SNCAIP: variants seen among roughly 807,000 people sequenced by gnomAD.
The protein encoded by SNCAIP is synphilin-1.
In SNCAIP, 43 loss-of-function variants were observed where a neutral mutation model predicts 86.7. The ratio of observed to expected loss-of-function variants is 0.50; its 90% CI spans 0.39 to 0.64. The LOEUF (loss-of-function observed/expected upper bound fraction) is 0.64, where lower values mean the gene tolerates loss of function less well. SNCAIP is among the 30% of genes least tolerant of loss of function. The pLI is 0.00. For synonymous variants in SNCAIP, 417 were observed against 427.2 expected, an observed-to-expected ratio of 0.98 and a Z score of 0.29; for missense variants, 981 against 1,103.1, an observed-to-expected ratio of 0.89 and a Z score of 1.57.
chr5:122,353,874 A>T (rs1053913465), intron 1 of SNCAIP, among the ~76,000 whole-genome samples: 6 of 152,172 alleles, frequency 3.9e-5, no homozygotes, highest in African/African-American at 1.4e-4. Context: ...CAAGATGAGA[A>T]TGGGGTAGGG....
intron 9 of SNCAIP, 146 bp downstream of exon 9, chr5:122,450,083 G>A: frequency 4.5e-6 from 3 of 662,098 alleles, no homozygotes; most frequent in Admixed American, 5.1e-5. Flanking sequence ...AAATCACAGT[G>A]AAAAAGGCAC....
intron 2 of SNCAIP, among the ~76,000 whole-genome samples, chr5:122,397,222 G>A (rs150139183): frequency 1.1e-3 from 170 of 152,148 alleles, no homozygotes; most frequent in African/African-American, 3.3e-3. Flanking sequence ...TAACCACTGC[G>A]TTGAAAATTA....
At chr5:122,353,729 T>C (rs1760403024) in intron 1 of SNCAIP, among the ~76,000 whole-genome samples, 1 of 152,210 alleles carries the variant, frequency 6.6e-6, no homozygotes, top group African/African-American at 2.4e-5. Flanking sequence ...CTCCTTGCCT[T>C]CTGCCATAAT....
At chr5:122,442,112 C>CTTTTTTT (rs10688988) in intron 7 of SNCAIP, among the ~76,000 whole-genome samples, 10 of 65,726 alleles carry the variant, frequency 1.5e-4, no homozygotes, top group East Asian at 4.6e-4. Context: ...AAGCAGTACT[C>CTTTTTTT]TTTTTTTTTT....
intron 10 of SNCAIP, among the ~76,000 whole-genome samples, chr5:122,460,881 C>T (rs1032025502): frequency 1.3e-5 from 2 of 152,206 alleles, no homozygotes; most frequent in African/African-American, 4.8e-5. Flanking sequence ...CCCATCTTCA[C>T]TGCTGCCTCC....
At chr5:122,399,866 C>T (rs568818427) in intron 2 of SNCAIP, among the ~76,000 whole-genome samples, 8 of 152,170 alleles carry the variant, frequency 5.3e-5, no homozygotes, top group Non-Finnish European at 1.0e-4. Flanking sequence ...AAAAACAGAT[C>T]GCTGGGCCCC....
At chr5:122,352,632 C>T (rs1760102730) in intron 1 of SNCAIP, among the ~76,000 whole-genome samples, 1 of 152,208 alleles carries the variant, frequency 6.6e-6, no homozygotes, top group Admixed American at 6.5e-5. Flanking sequence ...AAATGAGTTA[C>T]AGGCTACTTG....
At chr5:122,415,209 G>GTT (rs1775057764) in intron 3 of SNCAIP, among the ~76,000 whole-genome samples, 1 of 152,204 alleles carries the variant, frequency 6.6e-6, no homozygotes, top group Non-Finnish European at 1.5e-5. Flanking sequence ...GCACCTGCCT[G>GTT]TTCTCTCTCT....
chr5:122,405,920 T>C (rs942855222), intron 3 of SNCAIP, among the ~76,000 whole-genome samples: 4 of 152,166 alleles, frequency 2.6e-5, no homozygotes, highest in Non-Finnish European at 4.4e-5. Context: ...TTAGAAGCTT[T>C]TGAACTTTAC....
At chr5:122,339,579 A>G (rs1757155904) in intron 1 of SNCAIP, among the ~76,000 whole-genome samples, 1 of 152,174 alleles carries the variant, frequency 6.6e-6, no homozygotes, top group African/African-American at 2.4e-5. Flanking sequence ...ATTGGACACC[A>G]CCTTCCTTAT....
intron 3 of SNCAIP, among the ~76,000 whole-genome samples, chr5:122,404,993 G>A (rs73287523): frequency 0.027 from 4,151 of 152,206 alleles, 179 homozygotes; most frequent in African/African-American, 0.095. Context: ...ACCTTCACTT[G>A]TTTTTTATTT....
At chr5:122,395,252 C>A (rs1402257504) in intron 2 of SNCAIP, among the ~76,000 whole-genome samples, 1 of 152,160 alleles carries the variant, frequency 6.6e-6, no homozygotes, top group Non-Finnish European at 1.5e-5. Flanking sequence ...TATACACATA[C>A]ACTCACACAT....
chr5:122,433,863 C>T (rs888839710), intron 6 of SNCAIP, among the ~76,000 whole-genome samples: 2 of 152,126 alleles, frequency 1.3e-5, no homozygotes, highest in African/African-American at 2.4e-5. Flanking sequence ...GTTTGAATTT[C>T]GATCATTTCC....
intron 1 of SNCAIP, among the ~76,000 whole-genome samples, chr5:122,334,649 C>A (rs1026377269): frequency 6.6e-5 from 10 of 152,140 alleles, no homozygotes; most frequent in African/African-American, 1.9e-4. Context: ...AGCATTTTAA[C>A]AGCAAAGCCT....
chr5:122,416,584 C>T (rs1425607495), intron 3 of SNCAIP, among the ~76,000 whole-genome samples: 1 of 152,180 alleles, frequency 6.6e-6, no homozygotes, highest in Non-Finnish European at 1.5e-5. Context: ...AGGTCATGGT[C>T]TCATCTCTCA....
At chr5:122,396,722 T>C (rs537010856) in intron 2 of SNCAIP, among the ~76,000 whole-genome samples, 20 of 152,282 alleles carry the variant, frequency 1.3e-4, no homozygotes, top group African/African-American at 4.8e-4. Flanking sequence ...GTTAACTTCA[T>C]GGTAGGTCAC....
chr5:122,313,815 C>T (rs1751161854), intron 1 of SNCAIP, among the ~76,000 whole-genome samples: 1 of 152,060 alleles, frequency 6.6e-6, no homozygotes, highest in Non-Finnish European at 1.5e-5. Flanking sequence ...CTGAGGATTA[C>T]CCATAACTAA....
At chr5:122,419,481 T>C (rs1461924663) in intron 3 of SNCAIP, among the ~76,000 whole-genome samples, 2 of 152,192 alleles carry the variant, frequency 1.3e-5, no homozygotes, top group Non-Finnish European at 2.9e-5. Context: ...TGTAATCAGA[T>C]AGGCAGGTTT....
intron 8 of SNCAIP, 40 bp from the exon 9 acceptor site, chr5:122,449,805 C>A: frequency 7.9e-7 from 1 of 1,266,490 alleles, no homozygotes; most frequent in South Asian, 1.2e-5. Flanking sequence ...TAGCAGTAAC[C>A]AGTATCAGAG....
Sources: gnomAD v4.1 joint callset for allele counts (sites outside exome capture counted in the v4.1 genomes callset) on GRCh38, gnomAD v4.1.1 for gene constraint, MANE v1.5 for transcripts, NCBI Gene and HGNC (gene_info 2026-07-23, HGNC 2026-07-21) for gene names.